The following LRRC4C variants were observed in gnomAD, a reference collection of about 807,000 sequenced individuals.
The protein encoded by LRRC4C is leucine rich repeat containing 4C.
A neutral mutation model predicts 33.6 loss-of-function variants in LRRC4C; 5 were observed. The ratio of observed to expected loss-of-function variants is 0.15; its 90% CI spans 0.08 to 0.31. LRRC4C has a LOEUF of 0.31. LRRC4C is among the 10% of genes least tolerant of loss of function. The pLI is 1.00. For synonymous variants in LRRC4C, 329 were observed against 302.0 expected (o/e 1.09, Z -0.93); for missense variants, 560 against 796.7 (o/e 0.70, Z 3.58).
At chr11:40,533,909 T>C (rs1956369866) in intron 3 of LRRC4C, among the ~76,000 whole-genome samples, 1 of 152,156 alleles carries the variant, frequency 6.6e-6, no homozygotes, top group South Asian at 2.1e-4. Context: ...GGATAATACC[T>C]GCCTCCAAAG....
intron 1 of LRRC4C, among the ~76,000 whole-genome samples, chr11:41,381,058 C>T (rs1292737911): frequency 3.3e-5 from 5 of 152,120 alleles, no homozygotes; most frequent in Admixed American, 6.6e-5. Context: ...TGAAGCCACA[C>T]TTGTAAAGTG....
chr11:41,206,977 T>C (rs932156735), intron 1 of LRRC4C, among the ~76,000 whole-genome samples: 1 of 152,166 alleles, frequency 6.6e-6, no homozygotes, highest in African/African-American at 2.4e-5. Context: ...ACTATATATA[T>C]ATTTTTCTGC....
intron 1 of LRRC4C, among the ~76,000 whole-genome samples, chr11:41,104,907 T>C (rs1941406540): frequency 2.6e-5 from 4 of 151,738 alleles, no homozygotes. Flanking sequence ...AGACAGAAAA[T>C]AGACTATTGG....
At chr11:40,767,841 T>G (rs1392748489) in intron 2 of LRRC4C, among the ~76,000 whole-genome samples, 2 of 151,948 alleles carry the variant, frequency 1.3e-5, no homozygotes, top group Admixed American at 6.6e-5. Flanking sequence ...GAAAAGTTTA[T>G]AGCAATAAGT....
chr11:40,954,642 T>C (rs1958874374), intron 1 of LRRC4C, among the ~76,000 whole-genome samples: 1 of 151,892 alleles, frequency 6.6e-6, no homozygotes, highest in Non-Finnish European at 1.5e-5. Flanking sequence ...CTTCATAAAA[T>C]AGCCCAAATT....
chr11:40,495,016 G>C (rs916053478), intron 3 of LRRC4C, among the ~76,000 whole-genome samples: 3 of 152,170 alleles, frequency 2.0e-5, no homozygotes, highest in African/African-American at 7.2e-5. Flanking sequence ...GTTCAGCACA[G>C]TGCTAAGGAG....
At chr11:40,741,483 C>T (rs531384712) in intron 2 of LRRC4C, among the ~76,000 whole-genome samples, 1 of 152,130 alleles carries the variant, frequency 6.6e-6, no homozygotes, top group Non-Finnish European at 1.5e-5. Flanking sequence ...TAGCATAAAT[C>T]CAAATTGGAT....
At chr11:41,148,538 A>T (rs1170512118) in intron 1 of LRRC4C, among the ~76,000 whole-genome samples, 1 of 152,110 alleles carries the variant, frequency 6.6e-6, no homozygotes, top group Non-Finnish European at 1.5e-5. Flanking sequence ...AATCTATGGC[A>T]CAGTTCTAGA....
intron 1 of LRRC4C, among the ~76,000 whole-genome samples, chr11:41,034,609 ATAT>A (rs1856944953): frequency 5.9e-5 from 1 of 16,880 alleles, no homozygotes; most frequent in African/African-American, 1.1e-4. Context: ...ATGGTGACGT[ATAT>A]ATATATATAT....
At chr11:40,689,720 T>G (rs958083855) in intron 2 of LRRC4C, among the ~76,000 whole-genome samples, 2 of 152,120 alleles carry the variant, frequency 1.3e-5, no homozygotes, top group African/African-American at 4.8e-5. Flanking sequence ...TAGTTAGATA[T>G]GACTGCATAA....
chr11:41,201,763 AT>A (rs919300618), intron 1 of LRRC4C, among the ~76,000 whole-genome samples: 1 of 152,120 alleles, frequency 6.6e-6, no homozygotes, highest in African/African-American at 2.4e-5. Context: ...TAGCATTGGC[AT>A]TTTTTTGGAA....
In LRRC4C at chr11:40,816,572, G is replaced by A. The variant is rs183457408; in HGVS notation, c.-407+117063C>T. ...TTATAATGCATGTGTTAATAAGATA[G>A]TTACTGTGTTTTTTAGACACATTCT... On this transcript the variant is annotated intron_variant, in intron 2 of 6. Coordinates refer to ENST00000528697, the MANE Select transcript of LRRC4C (RefSeq NM_001258419.2). Among the ~76,000 whole-genome samples, 15 of 152,248 alleles carry A rather than the reference G, an allele frequency of 9.9e-5. No homozygotes were observed. In the East Asian group the frequency reaches 2.7e-3, roughly 27 times the overall value.
intron 2 of LRRC4C, among the ~76,000 whole-genome samples, chr11:40,736,263 GT>G (rs1375371822): frequency 6.6e-6 from 1 of 151,946 alleles, no homozygotes; most frequent in Non-Finnish European, 1.5e-5. Context: ...AACATGCAGT[GT>G]TTGGTTTTCT....
intron 1 of LRRC4C, among the ~76,000 whole-genome samples, chr11:41,000,736 C>T (rs55659323): frequency 0.15 from 22,833 of 151,932 alleles, 1,832 homozygotes; most frequent in African/African-American, 0.18. Context: ...GACTGGCCAG[C>T]GTAGGCATTT....
At chr11:41,275,033 T>C (rs1008941178) in intron 1 of LRRC4C, among the ~76,000 whole-genome samples, 3 of 152,026 alleles carry the variant, frequency 2.0e-5, no homozygotes, top group Admixed American at 1.3e-4. Flanking sequence ...ACTTTCTGGG[T>C]TCATGTGAGA....
chr11:40,585,217 G>A (rs2135684099), intron 3 of LRRC4C, among the ~76,000 whole-genome samples: 1 of 152,216 alleles, frequency 6.6e-6, no homozygotes, highest in Non-Finnish European at 1.5e-5. Flanking sequence ...GAGAATATGA[G>A]CATTTCAGCC....
chr11:41,290,369 T>G (rs1300725042), intron 1 of LRRC4C, among the ~76,000 whole-genome samples: 1 of 152,170 alleles, frequency 6.6e-6, no homozygotes, highest in African/African-American at 2.4e-5. Flanking sequence ...TGTAGAAGAA[T>G]AAGTGATAAT....
intron 3 of LRRC4C, among the ~76,000 whole-genome samples, chr11:40,536,695 CT>C (rs201556821): frequency 1.7e-4 from 25 of 151,506 alleles, no homozygotes; most frequent in African/African-American, 5.1e-4. Context: ...CTGGAATGCT[CT>C]TTTTTTTTCA....
At chr11:40,491,445 A>G (rs1303383988) in intron 3 of LRRC4C, among the ~76,000 whole-genome samples, 2 of 152,136 alleles carry the variant, frequency 1.3e-5, no homozygotes, top group Non-Finnish European at 2.9e-5. Flanking sequence ...AGGCACTTAC[A>G]CGGTTGCAGT....
Sources: gnomAD v4.1 joint callset for allele counts (sites outside exome capture counted in the v4.1 genomes callset) on GRCh38, gnomAD v4.1.1 for gene constraint, MANE v1.5 for transcripts, NCBI Gene and HGNC (gene_info 2026-07-23, HGNC 2026-07-21) for gene names.